Variants in HNF4G observed in about 807,000 individuals in gnomAD.
The protein encoded by HNF4G is hepatocyte nuclear factor 4-gamma.
In HNF4G, 21 loss-of-function variants were observed where a neutral mutation model predicts 50.9. The observed-to-expected ratio is 0.41, with a 90% CI of 0.29 to 0.59. The LOEUF (loss-of-function observed/expected upper bound fraction) is 0.59, where lower values mean the gene tolerates loss of function less well. HNF4G is among the 20% of genes least tolerant of loss of function. The pLI, the probability that HNF4G is intolerant of heterozygous loss-of-function variation, is 0.26. For synonymous variants in HNF4G, 198 were observed against 185.6 expected, an observed-to-expected ratio of 1.07 and a Z score of -0.54; for missense variants, 527 against 559.4, an observed-to-expected ratio of 0.94 and a Z score of 0.58.
intron 1 of HNF4G, among the ~76,000 whole-genome samples, chr8:75,439,775 T>A (rs1242071617): frequency 6.6e-6 from 1 of 152,064 alleles, no homozygotes; most frequent in Non-Finnish European, 1.5e-5. Flanking sequence ...TTAGTTTTTT[T>A]AAATACAATA....
chr8:75,417,838 G>GAATAAA (rs758227565), intron 1 of HNF4G, among the ~76,000 whole-genome samples: 1 of 152,016 alleles, frequency 6.6e-6, no homozygotes, highest in Non-Finnish European at 1.5e-5. Flanking sequence ...ATGAAATCAG[G>GAATAAA]AATAAAAATG....
intron 1 of HNF4G, among the ~76,000 whole-genome samples, chr8:75,485,298 A>G (rs1270941802): frequency 6.6e-6 from 1 of 152,212 alleles, no homozygotes; most frequent in Non-Finnish European, 1.5e-5. Context: ...TTCAAGTGTG[A>G]ATATTTTGAC....
chr8:75,480,320 T>C (rs745534809), intron 1 of HNF4G, among the ~76,000 whole-genome samples: 7 of 152,228 alleles, frequency 4.6e-5, no homozygotes, highest in Non-Finnish European at 1.0e-4. Context: ...GCAGCACATA[T>C]TGAGTGCCCA....
chr8:75,541,343 A>G (rs1448424075), intron 1 of HNF4G, among the ~76,000 whole-genome samples: 1 of 152,148 alleles, frequency 6.6e-6, no homozygotes. Context: ...ACTAAACTTG[A>G]AGCAAGAGTT....
chr8:75,519,893 T>C (rs1309368235), intron 2 of HNF4G, among the ~76,000 whole-genome samples: 2 of 152,126 alleles, frequency 1.3e-5, no homozygotes, highest in Non-Finnish European at 2.9e-5. Context: ...GTATTTCAGC[T>C]GGTGTATTTA....
At chr8:75,441,466 A>C (rs77161442) in intron 1 of HNF4G, among the ~76,000 whole-genome samples, 9,502 of 152,088 alleles carry the variant, frequency 0.062, 365 homozygotes, top group South Asian at 0.089. Flanking sequence ...GGCTGATGTC[A>C]AACTCCTGGC....
chr8:75,511,471 A>G (rs918187509), intron 2 of HNF4G, among the ~76,000 whole-genome samples: 1 of 152,242 alleles, frequency 6.6e-6, no homozygotes, highest in Non-Finnish European at 1.5e-5. Context: ...ACTTCTTAAA[A>G]TACAATTAAC....
intron 1 of HNF4G, among the ~76,000 whole-genome samples, chr8:75,458,276 A>G (rs1811769106): frequency 2.0e-5 from 3 of 152,106 alleles, no homozygotes; most frequent in Admixed American, 1.3e-4. Flanking sequence ...TTGGATTAAG[A>G]ATAAGAGGAA....
chr8:75,535,557 T>C (rs770950544), upstream of HNF4G, among the ~76,000 whole-genome samples: 2 of 151,824 alleles, frequency 1.3e-5, no homozygotes, highest in Non-Finnish European at 3.0e-5. Context: ...AAGTAGAATA[T>C]GAAAACAACA....
At chr8:75,505,375 C>T (rs956956847) in intron 2 of HNF4G, among the ~76,000 whole-genome samples, 1 of 152,096 alleles carries the variant, frequency 6.6e-6, no homozygotes, top group African/African-American at 2.4e-5. Flanking sequence ...CTAGATACAC[C>T]TTTGGAATAT....
chr8:75,541,062 A>C (rs1349049368), intron 1 of HNF4G, among the ~76,000 whole-genome samples: 1 of 152,256 alleles, frequency 6.6e-6, no homozygotes, highest in African/African-American at 2.4e-5. Flanking sequence ...AGTTAAAATA[A>C]ACCTGTAGTG....
At chr8:75,420,683 AG>A (rs1214803742) in intron 1 of HNF4G, among the ~76,000 whole-genome samples, 1 of 152,178 alleles carries the variant, frequency 6.6e-6, no homozygotes, top group Non-Finnish European at 1.5e-5. Flanking sequence ...TGATTTGTAC[AG>A]GTGTCTTTTT....
At chr8:75,506,954 T>C (rs1813092455) in intron 2 of HNF4G, among the ~76,000 whole-genome samples, 1 of 152,222 alleles carries the variant, frequency 6.6e-6, no homozygotes, top group South Asian at 2.1e-4. Context: ...ATTTATGTTT[T>C]GATGGTTGAG....
chr8:75,549,533 C>T (rs3955293), intron 3 of HNF4G, among the ~76,000 whole-genome samples: 31,209 of 148,656 alleles, frequency 0.21, 3,425 homozygotes, highest in Middle Eastern at 0.23. Context: ...CTCCAACTTA[C>T]AAAAACTCAC....
intron 1 of HNF4G, among the ~76,000 whole-genome samples, 175 bp downstream of exon 1, chr8:75,540,255 G>A (rs557793866): frequency 3.9e-5 from 6 of 152,186 alleles, no homozygotes; most frequent in Middle Eastern, 3.4e-3. Context: ...AGTTAATAAT[G>A]CTGTGGCTAT....
Position 75,475,496 on chromosome 8 carries a change from G to A in HNF4G, c.-143-14593G>A, listed in dbSNP as rs555800008. ...AGCCTATGCATGTTTATGTGTGTGC[G>A]TGTATTTATATTTATGTATGTGTGT... On this transcript the variant is annotated intron_variant, in intron 1 of 10. Coordinates refer to the HNF4G transcript ENST00000354370. 1.1e-4 allele frequency among the ~76,000 whole-genome samples: 16 copies of A among 152,222 alleles called. No homozygotes were observed. In the South Asian group the frequency reaches 2.1e-3, roughly 20 times the overall value.
At chr8:75,440,821 C>T (rs1563507377) in intron 1 of HNF4G, among the ~76,000 whole-genome samples, 1 of 151,814 alleles carries the variant, frequency 6.6e-6, no homozygotes, top group Non-Finnish European at 1.5e-5. Context: ...CTCATTTTAT[C>T]CCATTTTTAT....
chr8:75,536,578 T>A (rs1806470312), upstream of HNF4G, among the ~76,000 whole-genome samples: 1 of 152,070 alleles, frequency 6.6e-6, no homozygotes, highest in Non-Finnish European at 1.5e-5. Context: ...TGAAAATAAC[T>A]GAATTTTAAT....
intron 2 of HNF4G, among the ~76,000 whole-genome samples, chr8:75,522,581 T>C (rs1806073511): frequency 6.6e-6 from 1 of 152,190 alleles, no homozygotes; most frequent in Admixed American, 6.5e-5. Flanking sequence ...TTTTTTGTTG[T>C]GGACAGCTCC....
Sources: gnomAD v4.1 joint callset for allele counts (sites outside exome capture counted in the v4.1 genomes callset) on GRCh38, gnomAD v4.1.1 for gene constraint, MANE v1.5 for transcripts, NCBI Gene and HGNC (gene_info 2026-07-23, HGNC 2026-07-21) for gene names.